The following CPNE4 variants were observed in gnomAD, a reference collection of about 807,000 sequenced individuals.
CPNE4 encodes the protein copine-4.
Under a neutral mutation model 67.9 loss-of-function variants are expected in CPNE4, and 25 were observed. That is an observed-to-expected ratio of 0.37 (90% confidence interval 0.27 to 0.51). The LOEUF is 0.51. Among genes scored for constraint, CPNE4 ranks in the 20% least tolerant of loss-of-function variants. The probability of loss-of-function intolerance (pLI) is 0.93; values close to 1 mark genes in which losing one functional copy is unlikely to be tolerated. For missense variants in CPNE4, 464 were observed against 690.8 expected, an observed-to-expected ratio of 0.67 and a Z score of 3.68; for synonymous variants, 242 against 244.9, an observed-to-expected ratio of 0.99 and a Z score of 0.11.
chr3:131,652,048 T>C (rs35603558), intron 7 of CPNE4, among the ~76,000 whole-genome samples: 47,765 of 152,048 alleles, frequency 0.31, 11,155 homozygotes, highest in African/African-American at 0.66. Context: ...GGATTGCTGT[T>C]ATCATTTTTA....
chr3:131,985,862 G>C (rs2073028812), intron 1 of CPNE4: 1 of 154,022 alleles, frequency 6.5e-6, no homozygotes, highest in Non-Finnish European at 1.5e-5. Context: ...GTCTGGTCTT[G>C]TTTAGGCCAT....
chr3:131,825,276 T>A (rs1286064370), intron 2 of CPNE4, among the ~76,000 whole-genome samples: 1 of 152,014 alleles, frequency 6.6e-6, no homozygotes, highest in Non-Finnish European at 1.5e-5. Flanking sequence ...GGTGGGTGGA[T>A]CATGAGGTCA....
chr3:132,016,482 A>G (rs2073891558), intron 1 of CPNE4, among the ~76,000 whole-genome samples: 1 of 152,228 alleles, frequency 6.6e-6, no homozygotes, highest in Non-Finnish European at 1.5e-5. Flanking sequence ...TGAGCCCATC[A>G]CCAGCTGAAG....
intron 1 of CPNE4, among the ~76,000 whole-genome samples, chr3:131,942,381 A>G (rs372123408): frequency 1.3e-5 from 2 of 148,522 alleles, no homozygotes; most frequent in East Asian, 4.0e-4. Flanking sequence ...CCCAAAGTCT[A>G]CCACAGTTAA....
intron 7 of CPNE4, among the ~76,000 whole-genome samples, chr3:131,594,739 TAATC>T (rs1264935311): frequency 1.3e-5 from 2 of 152,130 alleles, no homozygotes; most frequent in Non-Finnish European, 1.5e-5. Context: ...AGAAAGGAAA[TAATC>T]AACAGAATTA....
chr3:131,790,819 A>T (rs189897127), intron 2 of CPNE4, among the ~76,000 whole-genome samples: 1 of 152,264 alleles, frequency 6.6e-6, no homozygotes, highest in African/African-American at 2.4e-5. Flanking sequence ...TCTTTAACAA[A>T]TTTTGTAACC....
At chr3:131,640,280 C>T (rs2079507071) in intron 7 of CPNE4, among the ~76,000 whole-genome samples, 1 of 152,108 alleles carries the variant, frequency 6.6e-6, no homozygotes. Flanking sequence ...ATCCAAAAAG[C>T]TCCCAGAACT....
At chr3:131,853,090 T>C (rs1375716806) in intron 2 of CPNE4, among the ~76,000 whole-genome samples, 1 of 151,760 alleles carries the variant, frequency 6.6e-6, no homozygotes, top group African/African-American at 2.4e-5. Context: ...AACATTTCTA[T>C]AAAAAGTCAT....
chr3:131,721,770 T>C, intron 3 of CPNE4, among the ~76,000 whole-genome samples: 1 of 152,198 alleles, frequency 6.6e-6, no homozygotes, highest in East Asian at 1.9e-4. Context: ...AGGGAGAATC[T>C]TGGCATGGCT....
At chr3:131,555,379 T>C (rs879019793) in intron 12 of CPNE4, 118 bp downstream of exon 12, 1 of 807,224 alleles carries the variant, frequency 1.2e-6, no homozygotes, top group South Asian at 1.7e-5. Flanking sequence ...TTTCTGACTC[T>C]GTAGGCCCTA....
chr3:131,644,888 G>A (rs2079625383), intron 7 of CPNE4, among the ~76,000 whole-genome samples: 1 of 152,184 alleles, frequency 6.6e-6, no homozygotes, highest in African/African-American at 2.4e-5. Flanking sequence ...GAAACAGCAA[G>A]CAATTATTCC....
At chr3:131,852,801 A>T (rs1358314189) in intron 2 of CPNE4, among the ~76,000 whole-genome samples, 1 of 151,730 alleles carries the variant, frequency 6.6e-6, no homozygotes, top group Non-Finnish European at 1.5e-5. Context: ...ACAGGATACC[A>T]TTTCAATATA....
chr3:131,561,517 T>C (rs1165378458), intron 11 of CPNE4, among the ~76,000 whole-genome samples: 1 of 152,028 alleles, frequency 6.6e-6, no homozygotes, highest in Non-Finnish European at 1.5e-5. Context: ...GAAGCTTTCC[T>C]TCAAGGCCAT....
At chr3:131,876,147 G>A (rs908545151) in intron 2 of CPNE4, among the ~76,000 whole-genome samples, 3 of 151,988 alleles carry the variant, frequency 2.0e-5, no homozygotes, top group East Asian at 3.9e-4. Flanking sequence ...ACTGAGGCAC[G>A]AGAATCGCTT....
intron 6 of CPNE4, among the ~76,000 whole-genome samples, chr3:131,681,401 C>A (rs926017795): frequency 3.3e-5 from 5 of 152,112 alleles, no homozygotes; most frequent in African/African-American, 1.2e-4. Flanking sequence ...GCTGGATATG[C>A]CATTCTAGGA....
intron 1 of CPNE4, among the ~76,000 whole-genome samples, chr3:131,927,825 T>A (rs966752107): frequency 2.0e-5 from 3 of 152,212 alleles, no homozygotes; most frequent in Admixed American, 2.0e-4. Flanking sequence ...GACATAGAAG[T>A]AGCTGGATCA....
chr3:131,856,844 G>A (rs2086465398), intron 2 of CPNE4, among the ~76,000 whole-genome samples: 5 of 151,980 alleles, frequency 3.3e-5, no homozygotes, highest in Admixed American at 3.3e-4. Flanking sequence ...ACAAAATTAA[G>A]CACAGAAAAC....
At chr3:131,802,389 T>C (rs2084164146) in intron 2 of CPNE4, among the ~76,000 whole-genome samples, 1 of 152,198 alleles carries the variant, frequency 6.6e-6, no homozygotes, top group African/African-American at 2.4e-5. Context: ...GGAACTATCA[T>C]TCAAAAGCCT....
chr3:131,951,947 C>G (rs2071741910), intron 1 of CPNE4, among the ~76,000 whole-genome samples: 1 of 152,180 alleles, frequency 6.6e-6, no homozygotes, highest in Admixed American at 6.5e-5. Flanking sequence ...CCTTGGCCTC[C>G]CAAAGTGCCA....
Sources: allele counts gnomAD v4.1 joint callset (sites outside exome capture counted in the v4.1 genomes callset), GRCh38; gene constraint gnomAD v4.1.1; transcripts MANE v1.5; gene names NCBI Gene and HGNC (gene_info 2026-07-23, HGNC 2026-07-21).